Variants in AP4E1 observed in about 807,000 individuals in gnomAD.
AP4E1 encodes AP-4 complex subunit epsilon-1.
A neutral mutation model predicts 128.2 loss-of-function variants in AP4E1; 56 were observed. That is an observed-to-expected ratio of 0.44 (90% confidence interval 0.35 to 0.55). The LOEUF (loss-of-function observed/expected upper bound fraction) is 0.55. Among genes scored for constraint, AP4E1 ranks in the 20% least tolerant of loss-of-function variants. AP4E1 has a pLI of 0.00. For missense variants in AP4E1, 1,324 were observed against 1,307.7 expected, an observed-to-expected ratio of 1.01 and a Z score of -0.19; for synonymous variants, 484 against 473.1, an observed-to-expected ratio of 1.02 and a Z score of -0.30.
intron 13 of AP4E1, among the ~76,000 whole-genome samples, chr15:50,951,876 G>A (rs558001938): frequency 4.0e-5 from 6 of 151,894 alleles, no homozygotes; most frequent in Non-Finnish European, 5.9e-5. Context: ...ACAGGCACAC[G>A]CCACTGCTTC....
intron 8 of AP4E1, among the ~76,000 whole-genome samples, chr15:50,941,012 A>G (rs760473795): frequency 1.3e-5 from 2 of 152,180 alleles, no homozygotes; most frequent in Admixed American, 6.5e-5. Flanking sequence ...AGAATAAACC[A>G]TTTTAAAGCA....
intron 13 of AP4E1, among the ~76,000 whole-genome samples, chr15:50,956,500 A>T (rs577100556): frequency 1.3e-5 from 2 of 152,316 alleles, no homozygotes; most frequent in East Asian, 3.9e-4. Context: ...TTTATAAAGA[A>T]AAGAGGTTTA....
At chr15:50,990,736 C>T (rs1189568999) in intron 16 of AP4E1, among the ~76,000 whole-genome samples, 2 of 151,912 alleles carry the variant, frequency 1.3e-5, no homozygotes, top group Non-Finnish European at 2.9e-5. Flanking sequence ...ATATTTGTGT[C>T]GATCATAAGT....
chr15:50,989,463 A>C (rs1248481150), intron 16 of AP4E1, among the ~76,000 whole-genome samples: 1 of 151,980 alleles, frequency 6.6e-6, no homozygotes, highest in Non-Finnish European at 1.5e-5. Context: ...ATGAAATGGC[A>C]TGAGTTCAAA....
chr15:50,949,368 G>A (rs1317004919), intron 11 of AP4E1, among the ~76,000 whole-genome samples: 9 of 146,528 alleles, frequency 6.1e-5, no homozygotes, highest in Non-Finnish European at 1.2e-4. Flanking sequence ...AACCGAGATC[G>A]CACCACTGCC....
At chr15:50,976,284 A>T (rs146781302) in intron 15 of AP4E1, among the ~76,000 whole-genome samples, 4 of 152,350 alleles carry the variant, frequency 2.6e-5, no homozygotes, top group African/African-American at 9.6e-5. Context: ...AAAACCACAC[A>T]GTTCTCAATA....
intron 16 of AP4E1, among the ~76,000 whole-genome samples, chr15:50,985,769 G>A (rs142761658): frequency 6.6e-6 from 1 of 152,138 alleles, no homozygotes; most frequent in Non-Finnish European, 1.5e-5. Flanking sequence ...TGTTCTTTTG[G>A]CTTAGGATTG....
intron 14 of AP4E1, 102 bp from the exon 15 acceptor site, chr15:50,968,161 G>T: frequency 1.2e-6 from 1 of 851,916 alleles, no homozygotes; most frequent in East Asian, 2.8e-5. Flanking sequence ...TTCTCATTTA[G>T]AATTTTAAAA....
intron 14 of AP4E1, among the ~76,000 whole-genome samples, chr15:50,965,954 G>A (rs1250053991): frequency 1.3e-5 from 2 of 151,352 alleles, no homozygotes; most frequent in Non-Finnish European, 2.9e-5. Flanking sequence ...GTCTCGCTCT[G>A]CCACCCAGGC....
chr15:50,914,586 G>A (rs1461705673), intron 2 of AP4E1, among the ~76,000 whole-genome samples: 4 of 151,296 alleles, frequency 2.6e-5, no homozygotes, highest in African/African-American at 9.7e-5. Flanking sequence ...GGTAGGTGGA[G>A]GCTGCGATGA....
chr15:50,919,535 AAAAT>A (rs68106715), intron 3 of AP4E1, among the ~76,000 whole-genome samples: 43,693 of 147,340 alleles, frequency 0.3, 6,779 homozygotes, highest in African/African-American at 0.38. Context: ...TCCATCTCAA[AAAAT>A]AAATAAATAA....
chr15:50,908,628 C>A (rs1305344711), upstream of AP4E1: 2 of 1,066,096 alleles, frequency 1.9e-6, no homozygotes, highest in African/African-American at 1.7e-5. Context: ...GCGAGAACGA[C>A]GCTGAACTTG....
intron 17 of AP4E1, among the ~76,000 whole-genome samples, chr15:50,997,061 A>T (rs975922735): frequency 2.6e-5 from 4 of 152,188 alleles, no homozygotes; most frequent in African/African-American, 9.7e-5. Context: ...TTTTTTGTTC[A>T]TGACTGACTT....
rs1241711550 is a variant in AP4E1 at position 50,993,060 on chromosome 15, GAA to G, written c.2091-308_2091-307del. On this transcript the variant is annotated intron_variant, in intron 16 of 20. Transcript: ENST00000261842. ...ATTTTTGAAAAGTCAGTGGAGGAAAGAAACTGATTTACAGTAGTTCTATTTTT... is the reference window on the plus strand; with the variant it reads ...ATTTTTGAAAAGTCAGTGGAGGAAAGACTGATTTACAGTAGTTCTATTTTT... Among the ~76,000 whole-genome samples the G allele has an allele frequency of 2.1e-4, 32 of 152,274 alleles. 1 individual carries two copies. Among genetic ancestry groups the G allele is most frequent in the African/African-American group, 7.5e-4 (31 of 41,572 alleles).
At chr15:50,982,193 A>G (rs1017697589) in intron 15 of AP4E1, among the ~76,000 whole-genome samples, 12 of 150,600 alleles carry the variant, frequency 8.0e-5, no homozygotes, top group African/African-American at 2.9e-4. Flanking sequence ...GAAGGCCCTC[A>G]CCAGATGCCA....
intron 16 of AP4E1, among the ~76,000 whole-genome samples, chr15:50,987,982 G>A (rs2064751998): frequency 6.6e-6 from 1 of 151,932 alleles, no homozygotes; most frequent in Non-Finnish European, 1.5e-5. Flanking sequence ...ATATTTAGAA[G>A]CATATTAGAA....
chr15:50,958,694 C>T lies in AP4E1; in HGVS notation c.1751C>T (p.Thr584Ile), dbSNP rs189242326. ...LIHEFTISLD[T>I]CMRQHAFELK... ...CATGAATTTACCATATCTTTGGATA[C>T]TTGTATGAGACAACATGCATTTGAA... Residue 584 changes from threonine (T) to isoleucine (I), a missense_variant, in exon 14 of 21, where the codon ACT becomes ATT. Transcript: ENST00000261842. 22 of 1,614,096 alleles carry T rather than the reference C, an allele frequency of 1.4e-5. No individual in the cohort carries two copies. In the Admixed American group the frequency reaches 2.5e-4, roughly 18 times the overall value.
chr15:50,946,306 A>G (rs1472678342), intron 10 of AP4E1, among the ~76,000 whole-genome samples: 1 of 152,148 alleles, frequency 6.6e-6, no homozygotes, highest in Non-Finnish European at 1.5e-5. Flanking sequence ...TGCACATTCA[A>G]ATTGACATTT....
At chr15:50,961,191 G>A (rs2064307927) in intron 14 of AP4E1, among the ~76,000 whole-genome samples, 1 of 152,134 alleles carries the variant, frequency 6.6e-6, no homozygotes, top group East Asian at 1.9e-4. Flanking sequence ...AGAAGAACTA[G>A]CACCAACTCT....
Sources: gnomAD v4.1 joint callset for allele counts (sites outside exome capture counted in the v4.1 genomes callset) on GRCh38, gnomAD v4.1.1 for gene constraint, MANE v1.5 for transcripts, NCBI Gene and HGNC (gene_info 2026-07-23, HGNC 2026-07-21) for gene names.